TRABD2B: variants seen among roughly 807,000 people sequenced by gnomAD.
TRABD2B encodes the protein TraB domain containing 2B, also known as metalloprotease TIKI2.
TRABD2B carries 14 observed loss-of-function variants against 40.1 expected under a neutral mutation model. The ratio of observed to expected loss-of-function variants is 0.35; its 90% CI spans 0.23 to 0.55. The LOEUF is 0.55. TRABD2B is among the 20% of genes least tolerant of loss of function. The probability of loss-of-function intolerance (pLI) is 0.90; values close to 1 mark genes in which losing one functional copy is unlikely to be tolerated. For synonymous variants in TRABD2B, 263 were observed against 277.0 expected (o/e 0.95, Z 0.50); for missense variants, 541 against 648.6 (o/e 0.83, Z 1.80).
intron 2 of TRABD2B, among the ~76,000 whole-genome samples, chr1:47,931,729 T>G (rs1235509253): frequency 6.6e-6 from 1 of 152,100 alleles, no homozygotes; most frequent in Admixed American, 6.6e-5. Context: ...CCGAGTGAAC[T>G]CTCAGGATGC....
In TRABD2B at chr1:47,764,808, T is replaced by TG. The variant is rs1644282391; in HGVS notation, c.*1093dup. Reference sequence around the variant, plus strand: ...CACTGATCTGGGGCCACATCCTGGCTGGGGGATCTTCAGCAAGTCCCTTCG... The same window carrying TG: ...CACTGATCTGGGGCCACATCCTGGCTGGGGGGATCTTCAGCAAGTCCCTTCG... On this transcript the variant is annotated 3_prime_UTR_variant, in exon 7 of 7. Coordinates refer to ENST00000606738, the MANE Select transcript of TRABD2B (RefSeq NM_001194986.2). 1 of 152,282 alleles carries TG rather than the reference T, an allele frequency of 6.6e-6. No individual in the cohort carries two copies. Among genetic ancestry groups the TG allele is most frequent in the Admixed American group, 6.5e-5 (1 of 15,282 alleles). 9.4% of individuals were successfully genotyped at this position (152,282 alleles called of 1,614,324 possible).
At chr1:47,943,740 G>A (rs1301060082) in intron 2 of TRABD2B, among the ~76,000 whole-genome samples, 4 of 146,068 alleles carry the variant, frequency 2.7e-5, no homozygotes, top group Admixed American at 1.4e-4. Context: ...CCAACTATAC[G>A]TGAGATGCAT....
intron 2 of TRABD2B, among the ~76,000 whole-genome samples, chr1:47,833,794 A>T (rs935855039): frequency 2.6e-5 from 4 of 152,226 alleles, no homozygotes; most frequent in African/African-American, 9.6e-5. Context: ...TCAGTGAACC[A>T]TTTGGTGGAC....
rs1644245320 is a variant in TRABD2B, at chr1:47,761,648, G to A, written c.*4254C>T. The A allele has an allele frequency of 6.6e-6, 1 of 152,208 alleles. No individual in the cohort carries two copies. Among genetic ancestry groups the A allele is most frequent in the African/African-American group, 2.4e-5 (1 of 41,452 alleles). The allele number at this position is 152,208 out of a possible 1,614,324, so 9.4% of individuals were successfully genotyped here. On this transcript the variant is annotated 3_prime_UTR_variant, in exon 7 of 7. Transcript: ENST00000606738. ...TGCAGAGCCAGGAGGGACCCTCAAT[G>A]TCATCTACACCAGGCCCTTGGCAAG...
At chr1:47,921,670 C>G (rs905727961) in intron 2 of TRABD2B, among the ~76,000 whole-genome samples, 1 of 152,212 alleles carries the variant, frequency 6.6e-6, no homozygotes, top group Non-Finnish European at 1.5e-5. Context: ...CTAAAACCCT[C>G]TTTGGCTTCA....
At chr1:47,966,472 C>T (rs1382837246) in intron 2 of TRABD2B, among the ~76,000 whole-genome samples, 1 of 152,192 alleles carries the variant, frequency 6.6e-6, no homozygotes, top group Non-Finnish European at 1.5e-5. Context: ...CACCAGACTG[C>T]CTGCTGAGTA....
Position 47,763,626 on chromosome 1 carries a change from T to G in TRABD2B, c.*2276A>C, listed in dbSNP as rs753918067. ...GCATTAATTTACCTTCTTGGCTCAGTGCCTGGCACAGATCTGGGCACACGG... is the reference window on the plus strand; with the variant it reads ...GCATTAATTTACCTTCTTGGCTCAGGGCCTGGCACAGATCTGGGCACACGG... On this transcript the variant is annotated 3_prime_UTR_variant, in exon 7 of 7. Coordinates refer to ENST00000606738, the MANE Select transcript of TRABD2B (RefSeq NM_001194986.2). 6.6e-6 allele frequency: 1 copy of G among 152,232 alleles called. No individual in the cohort carries two copies. The highest frequency in any genetic ancestry group is 2.4e-5 in the African/African-American group (1 of 41,452). The allele number at this position is 152,232 out of a possible 1,614,324, so 9.4% of individuals were successfully genotyped here.
chr1:47,789,494 T>C (rs796086166), intron 4 of TRABD2B, among the ~76,000 whole-genome samples: 39 of 152,228 alleles, frequency 2.6e-4, no homozygotes, highest in African/African-American at 9.4e-4. Flanking sequence ...TACCAATCAA[T>C]CATAATGGCC....
intron 4 of TRABD2B, among the ~76,000 whole-genome samples, chr1:47,784,119 C>A (rs1291951781): frequency 6.6e-6 from 1 of 152,132 alleles, no homozygotes; most frequent in African/African-American, 2.4e-5. Flanking sequence ...TGAGGTGTTG[C>A]CAGTTTCCAG....
Position 47,940,668 on chromosome 1 carries a change from C to A in TRABD2B, c.666+53366G>T, listed in dbSNP as rs537632803. On this transcript the variant is annotated intron_variant, in intron 2 of 6. Coordinates refer to ENST00000606738, the MANE Select transcript of TRABD2B (RefSeq NM_001194986.2). ...CTGAGCCCCGCTACAGTGCTCTGTC[C>A]CCATCTGCCAGGGGGGCTTGCTGGA... is the stretch of plus-strand genomic sequence containing the variant. 4.6e-5 allele frequency among the ~76,000 whole-genome samples: 7 copies of A among 152,300 alleles called. No individual in the cohort carries two copies. In the East Asian group the frequency reaches 9.7e-4, roughly 21 times the overall value.
At chr1:47,920,409 G>T (rs578184067) in intron 2 of TRABD2B, among the ~76,000 whole-genome samples, 1 of 152,200 alleles carries the variant, frequency 6.6e-6, no homozygotes, top group Non-Finnish European at 1.5e-5. Flanking sequence ...CCTAGACCAT[G>T]TGACTCTGAA....
chr1:47,921,335 C>T (rs1644899263), intron 2 of TRABD2B, among the ~76,000 whole-genome samples: 2 of 152,160 alleles, frequency 1.3e-5, no homozygotes, highest in African/African-American at 4.8e-5. Context: ...CTGCCAGGGC[C>T]AGCAGCTAAG....
chr1:47,807,818 G>A (rs1440178425), intron 2 of TRABD2B, among the ~76,000 whole-genome samples: 4 of 152,184 alleles, frequency 2.6e-5, no homozygotes, highest in African/African-American at 9.7e-5. Flanking sequence ...CTCTTCTGGG[G>A]AAAGAAACAG....
At chr1:47,983,266 T>C (rs1046108831) in intron 2 of TRABD2B, among the ~76,000 whole-genome samples, 1 of 151,904 alleles carries the variant, frequency 6.6e-6, no homozygotes, top group Non-Finnish European at 1.5e-5. Context: ...CACTTCCAAG[T>C]GGGAGCTAAA....
intron 4 of TRABD2B, among the ~76,000 whole-genome samples, chr1:47,788,242 A>G (rs974323563): frequency 5.3e-5 from 8 of 152,168 alleles, no homozygotes; most frequent in Non-Finnish European, 1.5e-5. Context: ...TAACGTTATG[A>G]ATTTTAAAAG....
At chr1:47,797,469 C>A (rs1343755079) in intron 3 of TRABD2B, among the ~76,000 whole-genome samples, 1 of 152,178 alleles carries the variant, frequency 6.6e-6, no homozygotes, top group Middle Eastern at 3.2e-3. Context: ...TCCCTGGAAC[C>A]TGAACACGGG....
intron 2 of TRABD2B, among the ~76,000 whole-genome samples, chr1:47,852,695 A>G (rs2124526001): frequency 6.6e-6 from 1 of 152,278 alleles, no homozygotes; most frequent in East Asian, 1.9e-4. Flanking sequence ...CAATAATCCC[A>G]GAGGAGGAGG....
chr1:47,793,942 T>C (rs1006436859), intron 4 of TRABD2B, among the ~76,000 whole-genome samples: 19 of 152,228 alleles, frequency 1.2e-4, no homozygotes, highest in Non-Finnish European at 2.1e-4. Flanking sequence ...CCATGTGTGA[T>C]GATCACACTT....
At chr1:47,952,987 T>C (rs1291105632) in intron 2 of TRABD2B, among the ~76,000 whole-genome samples, 2 of 152,210 alleles carry the variant, frequency 1.3e-5, no homozygotes, top group Non-Finnish European at 2.9e-5. Flanking sequence ...AAAGGGACTC[T>C]GCCTGGCTGG....
Sources: allele counts gnomAD v4.1 joint callset (sites outside exome capture counted in the v4.1 genomes callset), GRCh38; gene constraint gnomAD v4.1.1; transcripts MANE v1.5; gene names NCBI Gene and HGNC (gene_info 2026-07-23, HGNC 2026-07-21).